RNF17: variants seen among roughly 807,000 people sequenced by gnomAD.
The protein encoded by RNF17 is spermatogenesis associated 23.
A neutral mutation model predicts 200.5 loss-of-function variants in RNF17; 31 were observed. That is an observed-to-expected ratio of 0.15 (90% CI 0.12 to 0.21). The LOEUF (loss-of-function observed/expected upper bound fraction) is 0.21. Among genes scored for constraint, RNF17 ranks in the 10% least tolerant of loss-of-function variants. RNF17 has a pLI of 1.00. For missense variants in RNF17, 1,628 were observed against 1,905.1 expected, an observed-to-expected ratio of 0.85 and a Z score of 2.71; for synonymous variants, 606 against 637.8, an observed-to-expected ratio of 0.95 and a Z score of 0.75.
At chr13:24,782,938 T>C (rs1053387892) in intron 6 of RNF17, among the ~76,000 whole-genome samples, 2 of 151,546 alleles carry the variant, frequency 1.3e-5, no homozygotes, top group Non-Finnish European at 2.9e-5. Context: ...CTTTTGTTTC[T>C]TGTGCTTTTG....
chr13:24,865,772 T>G (rs1893552248), intron 29 of RNF17, among the ~76,000 whole-genome samples: 1 of 152,146 alleles, frequency 6.6e-6, no homozygotes, highest in Non-Finnish European at 1.5e-5. Flanking sequence ...GTGTGGTTGT[T>G]GTGGGTGAGT....
At chr13:24,832,725 G>A (rs1434666839) in intron 18 of RNF17, among the ~76,000 whole-genome samples, 1 of 152,026 alleles carries the variant, frequency 6.6e-6, no homozygotes, top group Non-Finnish European at 1.5e-5. Context: ...TTTTAGATAG[G>A]GGGATTGGGA....
Position 24,853,865 on chromosome 13 carries a change from T to A in RNF17, c.3331T>A (p.Leu1111Ile), listed in dbSNP as rs1485441086. The A allele has an allele frequency of 1.2e-6, 2 of 1,601,996 alleles. No homozygotes were observed. Among genetic ancestry groups the A allele is most frequent in the African/African-American group, 2.7e-5 (2 of 74,202 alleles). ...TTTTGGATGTTACAGAATTAATAAC[T>A]TAGATAACAGCCATTCATTATCTGA... ...LALRERRINN[L>I]DNSHSLSEKS... is the part of the protein sequence containing the mutation. Residue 1111 changes from leucine to isoleucine, a missense_variant, in exon 25 of 36, where the codon TTA (leucine) becomes ATA (isoleucine). Leu to Ile is a conservative substitution (Grantham distance 5). Transcript: ENST00000255324.
chr13:24,866,315 G>T lies in RNF17; in HGVS notation c.4161+112G>T, dbSNP rs920606999. 1.5e-5 allele frequency: 9 copies of T among 591,144 alleles called. No homozygotes were observed. In the African/African-American group the frequency reaches 1.5e-4, roughly 10 times the overall value. The allele number at this position is 591,144 out of a possible 1,614,324, so 36.6% of individuals were successfully genotyped here. A position where few individuals can be genotyped will look rare whatever the true frequency, so the allele number is the denominator to read the frequency against. ...ACAGTTTTATTATTTATATATCATAGAATTTACCTATTGAATATACAGTTC... is the reference window on the plus strand; with the variant it reads ...ACAGTTTTATTATTTATATATCATATAATTTACCTATTGAATATACAGTTC... On this transcript the variant is annotated intron_variant, in intron 30 of 35. Transcript: ENST00000255324.
chr13:24,760,831 A>T (rs1878674268), upstream of RNF17, among the ~76,000 whole-genome samples: 1 of 152,264 alleles, frequency 6.6e-6, no homozygotes, highest in African/African-American at 2.4e-5. Flanking sequence ...ACATTTCTCA[A>T]AAGATGACAT....
At chr13:24,883,122 A>G (rs1953908928), downstream of RNF17, 6 of 1,402,292 alleles carry the variant, frequency 4.3e-6, no homozygotes, top group Admixed American at 1.0e-4. Flanking sequence ...CAGTAAATGT[A>G]CATTTTTTAA....
chr13:24,884,201 C>T (rs200291056), downstream of RNF17: 324 of 1,614,008 alleles, frequency 2.0e-4, no homozygotes, highest in Non-Finnish European at 2.6e-4. Flanking sequence ...CCAGTCCCTC[C>T]GGGTATGTCG....
intron 26 of RNF17, among the ~76,000 whole-genome samples, chr13:24,859,501 C>T (rs1026549388): frequency 5.3e-5 from 8 of 151,910 alleles, no homozygotes; most frequent in African/African-American, 1.7e-4. Context: ...TTGTTTATGG[C>T]CCTGTTAGTT....
intron 22 of RNF17, among the ~76,000 whole-genome samples, chr13:24,846,916 A>G (rs2138175422): frequency 6.6e-6 from 1 of 152,340 alleles, no homozygotes; most frequent in Admixed American, 6.5e-5. Flanking sequence ...TAGGCTTTTC[A>G]GACATGGATT....
intron 6 of RNF17, among the ~76,000 whole-genome samples, chr13:24,782,794 A>G (rs1882596886): frequency 6.6e-6 from 1 of 152,174 alleles, no homozygotes; most frequent in Admixed American, 6.5e-5. Flanking sequence ...AATTCTTTGT[A>G]TATTTTGAAT....
At chr13:24,888,228 T>C in the RNF17 span, among the ~76,000 whole-genome samples, 4 of 151,786 alleles carry the variant, frequency 2.6e-5, no homozygotes, top group African/African-American at 9.7e-5. Flanking sequence ...AAAAGACTAG[T>C]AAATTCAACA....
At chr13:24,792,708 G>A (rs1411865736) in intron 9 of RNF17, among the ~76,000 whole-genome samples, 4 of 152,144 alleles carry the variant, frequency 2.6e-5, no homozygotes, top group East Asian at 1.9e-4. Flanking sequence ...TTTGTTGATC[G>A]TTATTTCCAC....
chr13:24,861,133 C>T (rs1045491121), intron 26 of RNF17, 135 bp from the exon 27 acceptor site: 7 of 622,544 alleles, frequency 1.1e-5, no homozygotes, highest in Non-Finnish European at 1.8e-5. Flanking sequence ...CCCACCTCTG[C>T]CTCCCAGAGT....
At chr13:24,874,290 T>C (rs761079178) in intron 33 of RNF17, 41 bp downstream of exon 33, 2 of 1,506,138 alleles carry the variant, frequency 1.3e-6, no homozygotes, top group Non-Finnish European at 1.8e-6. Context: ...GATTTCTTTT[T>C]TTTTAAATAG....
intron 32 of RNF17, among the ~76,000 whole-genome samples, chr13:24,871,888 C>T (rs553566606): frequency 3.4e-4 from 52 of 151,662 alleles, no homozygotes; most frequent in African/African-American, 1.2e-3. Flanking sequence ...GCCTTGGCCT[C>T]CTGAAGTGCT....
intron 33 of RNF17, among the ~76,000 whole-genome samples, chr13:24,876,301 T>A (rs768921355): frequency 6.6e-6 from 1 of 152,208 alleles, no homozygotes; most frequent in Non-Finnish European, 1.5e-5. Flanking sequence ...TCATACAGTA[T>A]ATACTACATC....
chr13:24,885,449 TA>T, the RNF17 span: 1 of 1,260,606 alleles, frequency 7.9e-7, no homozygotes, highest in Non-Finnish European at 1.2e-6. Context: ...CAGATTCTGA[TA>T]TAGGGTTCTA....
intron 34 of RNF17, among the ~76,000 whole-genome samples, chr13:24,878,623 CTGA>C (rs1895110983): frequency 6.6e-6 from 1 of 152,156 alleles, no homozygotes; most frequent in African/African-American, 2.4e-5. Flanking sequence ...AATCTGGAGG[CTGA>C]TGTCTGAGGG....
At chr13:24,755,696 T>A in the RNF17 span, among the ~76,000 whole-genome samples, 5 of 152,332 alleles carry the variant, frequency 3.3e-5, no homozygotes, top group African/African-American at 1.2e-4. Flanking sequence ...CTGCCTAGAC[T>A]TTGGACAAGG....
Sources: gnomAD v4.1 joint callset for allele counts (sites outside exome capture counted in the v4.1 genomes callset) on GRCh38, gnomAD v4.1.1 for gene constraint, MANE v1.5 for transcripts, NCBI Gene and HGNC (gene_info 2026-07-23, HGNC 2026-07-21) for gene names.